Variants in PPM1E observed in about 807,000 individuals in gnomAD.
PPM1E encodes protein phosphatase 1E.
Under a neutral mutation model 65.9 loss-of-function variants are expected in PPM1E, and 20 were observed. The ratio of observed to expected loss-of-function variants is 0.30; its 90% confidence interval spans 0.21 to 0.44. The LOEUF (loss-of-function observed/expected upper bound fraction) is 0.44, where lower values mean the gene tolerates loss of function less well. Ranked by LOEUF, PPM1E falls within the 20% of genes least tolerant of loss-of-function variation. The probability of loss-of-function intolerance (pLI) is 1.00; values close to 1 mark genes in which losing one functional copy is unlikely to be tolerated. For synonymous variants in PPM1E, 352 were observed against 374.9 expected (o/e 0.94, Z 0.70); for missense variants, 713 against 953.1 (o/e 0.75, Z 3.32).
At chr17:58,897,551 C>T (rs937042069) in intron 1 of PPM1E, among the ~76,000 whole-genome samples, 1 of 152,058 alleles carries the variant, frequency 6.6e-6, no homozygotes, top group Non-Finnish European at 1.5e-5. Flanking sequence ...TTCTGCAGAC[C>T]ATGGATCAAA....
chr17:58,880,887 T>C (rs910680195), intron 1 of PPM1E, among the ~76,000 whole-genome samples: 1 of 152,164 alleles, frequency 6.6e-6, no homozygotes, highest in African/African-American at 2.4e-5. Flanking sequence ...AAACTGGTGA[T>C]GGTTCACAAC....
At chr17:58,819,757 C>T (rs181392765) in intron 1 of PPM1E, among the ~76,000 whole-genome samples, 283 of 151,992 alleles carry the variant, frequency 1.9e-3, no homozygotes, top group African/African-American at 6.4e-3. Flanking sequence ...CATGTTGGGG[C>T]CAGGTGCAGT....
At chr17:58,912,998 T>C (rs971975340) in intron 1 of PPM1E, among the ~76,000 whole-genome samples, 1 of 152,148 alleles carries the variant, frequency 6.6e-6, no homozygotes, top group Non-Finnish European at 1.5e-5. Context: ...TCACCCTAAG[T>C]GTCTCTTCAT....
intron 1 of PPM1E, among the ~76,000 whole-genome samples, chr17:58,896,869 C>T (rs993223971): frequency 6.6e-6 from 1 of 152,168 alleles, no homozygotes; most frequent in African/African-American, 2.4e-5. Context: ...TGCTTGGCTT[C>T]AAAGCTTCAA....
Position 58,984,328 on chromosome 17 carries a change from G to A in PPM1E, c.*3297G>A, listed in dbSNP as rs928217717. ...GTGCCAGTGAGAAGTGCAACATCCAGTGGGCAGATGAAAATGATGCATGGC... is the reference window on the plus strand; with the variant it reads ...GTGCCAGTGAGAAGTGCAACATCCAATGGGCAGATGAAAATGATGCATGGC... On this transcript the variant is annotated 3_prime_UTR_variant, in exon 7 of 7. Coordinates refer to ENST00000308249, the MANE Select transcript of PPM1E (RefSeq NM_014906.5). 2.0e-5 allele frequency: 3 copies of A among 152,652 alleles called. No individual in the cohort carries two copies. In the East Asian group the frequency reaches 5.8e-4, roughly 29 times the overall value. 9.5% of individuals were successfully genotyped at this position (152,652 alleles called of 1,614,324 possible).
At chr17:58,835,656 CA>C (rs2050648437) in intron 1 of PPM1E, among the ~76,000 whole-genome samples, 1 of 151,740 alleles carries the variant, frequency 6.6e-6, no homozygotes, top group Non-Finnish European at 1.5e-5. Flanking sequence ...TCTATCTCTA[CA>C]AAAAATTTTT....
intron 1 of PPM1E, among the ~76,000 whole-genome samples, chr17:58,810,894 C>G (rs1453525600): frequency 2.6e-5 from 4 of 152,056 alleles, no homozygotes; most frequent in African/African-American, 4.8e-5. Flanking sequence ...GCCTTACTCT[C>G]TCACCCAGGC....
chr17:58,843,357 TA>T (rs2050739547), intron 1 of PPM1E, among the ~76,000 whole-genome samples: 1 of 149,854 alleles, frequency 6.7e-6, no homozygotes, highest in African/African-American at 2.5e-5. Context: ...AAATAAAAAT[TA>T]AAATAAAAAA....
intron 1 of PPM1E, among the ~76,000 whole-genome samples, chr17:58,937,587 A>G (rs1217331031): frequency 6.8e-6 from 1 of 147,670 alleles, no homozygotes; most frequent in Non-Finnish European, 1.5e-5. Flanking sequence ...TTAAAGAGAC[A>G]TGCCTACGGC....
chr17:58,979,125 G>A (rs2031209908), intron 6 of PPM1E, among the ~76,000 whole-genome samples: 1 of 152,196 alleles, frequency 6.6e-6, no homozygotes, highest in South Asian at 2.1e-4. Context: ...AAGAGAGAAA[G>A]GCCCAGAAAG....
In PPM1E at chr17:58,783,833, G is replaced by A. The variant is rs547317677; in HGVS notation, c.464+27372G>A. On this transcript the variant is annotated intron_variant, in intron 1 of 6. Transcript: ENST00000308249. Reference sequence around the variant, plus strand: ...AGCGATTCTCTTGCATCAGCCTCCCGAGTAGCTGGGATTACAGGTGACCAC... The same window carrying A: ...AGCGATTCTCTTGCATCAGCCTCCCAAGTAGCTGGGATTACAGGTGACCAC... 4.6e-5 allele frequency among the ~76,000 whole-genome samples: 7 copies of A among 151,864 alleles called. No homozygotes were observed. In the East Asian group the frequency reaches 7.8e-4, roughly 17 times the overall value.
intron 1 of PPM1E, among the ~76,000 whole-genome samples, chr17:58,858,702 A>G (rs2050909163): frequency 6.6e-6 from 1 of 151,980 alleles, no homozygotes; most frequent in South Asian, 2.1e-4. Context: ...CATTTTCTTT[A>G]TCTATTATCT....
intron 1 of PPM1E, among the ~76,000 whole-genome samples, chr17:58,795,681 G>A (rs1486935997): frequency 1.3e-5 from 2 of 152,218 alleles, no homozygotes; most frequent in Admixed American, 1.3e-4. Context: ...TGTAGCTTGG[G>A]AGACAGAGTG....
At chr17:58,853,405 A>G (rs1176337746) in intron 1 of PPM1E, among the ~76,000 whole-genome samples, 2 of 152,196 alleles carry the variant, frequency 1.3e-5, no homozygotes, top group African/African-American at 4.8e-5. Context: ...CTTGTCAAAA[A>G]TCACTTTACC....
chr17:58,801,967 A>G (rs1451786767), intron 1 of PPM1E, among the ~76,000 whole-genome samples: 1 of 152,056 alleles, frequency 6.6e-6, no homozygotes, highest in African/African-American at 2.4e-5. Flanking sequence ...TATGTTTGCC[A>G]GGCTGGTCCT....
intron 1 of PPM1E, among the ~76,000 whole-genome samples, chr17:58,766,113 C>T (rs2049873407): frequency 6.6e-6 from 1 of 151,078 alleles, no homozygotes; most frequent in Non-Finnish European, 1.5e-5. Context: ...CTCCTGACCT[C>T]AGGTCATCCA....
chr17:58,912,710 A>G (rs961886731), intron 1 of PPM1E, among the ~76,000 whole-genome samples: 1 of 152,214 alleles, frequency 6.6e-6, no homozygotes, highest in African/African-American at 2.4e-5. Flanking sequence ...AGTTAGCCTC[A>G]GGATGGGGGT....
intron 1 of PPM1E, among the ~76,000 whole-genome samples, chr17:58,908,464 G>C (rs779461671): frequency 6.6e-6 from 1 of 150,854 alleles, no homozygotes; most frequent in Non-Finnish European, 1.5e-5. Context: ...TTTAAGGCGG[G>C]GTTTTGCTCT....
intron 3 of PPM1E, among the ~76,000 whole-genome samples, chr17:58,968,424 C>T (rs2030393927): frequency 6.6e-6 from 1 of 151,798 alleles, no homozygotes; most frequent in Admixed American, 6.6e-5. Flanking sequence ...GACGCTGACT[C>T]CAAAAATAAA....
Sources: gnomAD v4.1 joint callset for allele counts (sites outside exome capture counted in the v4.1 genomes callset) on GRCh38, gnomAD v4.1.1 for gene constraint, MANE v1.5 for transcripts, NCBI Gene and HGNC (gene_info 2026-07-23, HGNC 2026-07-21) for gene names.